The following SLC13A3 variants were observed in gnomAD, a reference collection of about 807,000 sequenced individuals.
The protein encoded by SLC13A3 is solute carrier family 13 member 3, also known as Na(+)/dicarboxylate cotransporter 3.
A neutral mutation model predicts 59.0 loss-of-function variants in SLC13A3; 40 were observed. The ratio of observed to expected loss-of-function variants is 0.68; its 90% CI spans 0.53 to 0.88. SLC13A3 has a LOEUF of 0.88. Among genes scored for constraint, SLC13A3 ranks in the 40% least tolerant of loss-of-function variants. The pLI is 0.00. For missense variants in SLC13A3, 699 were observed against 783.2 expected, an observed-to-expected ratio of 0.89 and a Z score of 1.28; for synonymous variants, 317 against 330.3, an observed-to-expected ratio of 0.96 and a Z score of 0.44.
chr20:46,637,678 G>A (rs147394399), intron 1 of SLC13A3, among the ~76,000 whole-genome samples: 61 of 152,302 alleles, frequency 4.0e-4, no homozygotes, highest in African/African-American at 1.4e-3. Context: ...CTGGGCATGT[G>A]AACCCATCAT....
At chr20:46,570,837 A>G (rs2146089396) in intron 10 of SLC13A3, among the ~76,000 whole-genome samples, 1 of 152,306 alleles carries the variant, frequency 6.6e-6, no homozygotes, top group East Asian at 1.9e-4. Flanking sequence ...AAGATTCAGA[A>G]TCTGGATCTT....
At chr20:46,642,856 C>G (rs1438966058) in intron 1 of SLC13A3, among the ~76,000 whole-genome samples, 1 of 152,180 alleles carries the variant, frequency 6.6e-6, no homozygotes, top group African/African-American at 2.4e-5. Flanking sequence ...AGATAGGCGA[C>G]AGCAGGAGTC....
chr20:46,671,799 C>T (rs140232951), upstream of SLC13A3, among the ~76,000 whole-genome samples: 39 of 152,296 alleles, frequency 2.6e-4, no homozygotes, highest in East Asian at 7.0e-3. Context: ...CTGACTCAAC[C>T]AGTCTCTGAG....
chr20:46,627,540 T>C (rs2062687016), intron 1 of SLC13A3, among the ~76,000 whole-genome samples: 1 of 152,128 alleles, frequency 6.6e-6, no homozygotes, highest in African/African-American at 2.4e-5. Flanking sequence ...GCTCTCCTGA[T>C]TTCAAGAGAA....
intron 1 of SLC13A3, among the ~76,000 whole-genome samples, chr20:46,629,933 T>C (rs2062720876): frequency 6.6e-6 from 1 of 152,258 alleles, no homozygotes; most frequent in African/African-American, 2.4e-5. Flanking sequence ...TTTTTATTTC[T>C]CATGCTCTCT....
At position 46,589,168 on chromosome 20, in the gene SLC13A3, C is replaced by T. The variant is rs201590459; in HGVS notation, c.1008G>A (p.Gly336=). The change falls in exon 7 of 13, where the codon GGG becomes GGA. Residue 336 remains glycine, a synonymous_variant. Coordinates refer to ENST00000279027, the MANE Select transcript of SLC13A3 (RefSeq NM_022829.6). Reference sequence around the variant, plus strand: ...CAAGGGCCCCCACATACTTGATGGGCCCCAGGTTCTGGTATTCTTCCCGAA... The same window carrying T: ...CAAGGGCCCCCACATACTTGATGGGTCCCAGGTTCTGGTATTCTTCCCGAA... ...AVIREEYQNL[G]PIKFAEQAVF... is the part of the protein sequence containing the mutation. 1.9e-6 allele frequency: 3 copies of T among 1,613,968 alleles called. No individual in the cohort carries two copies. The highest frequency in any genetic ancestry group is 1.7e-6 in the Non-Finnish European group (2 of 1,179,854).
At chr20:46,568,994 A>AT (rs2062006984) in intron 10 of SLC13A3, among the ~76,000 whole-genome samples, 1 of 151,828 alleles carries the variant, frequency 6.6e-6, no homozygotes, top group African/African-American at 2.4e-5. Context: ...TATTTTATTT[A>AT]TTTTTTTGAG....
chr20:46,579,131 C>T (rs1320948050), intron 9 of SLC13A3, among the ~76,000 whole-genome samples: 1 of 151,706 alleles, frequency 6.6e-6, no homozygotes, highest in African/African-American at 2.4e-5. Context: ...CTCTCTCTCC[C>T]CCTCGATTTT....
chr20:46,673,043 T>C (rs1034565039), upstream of SLC13A3, among the ~76,000 whole-genome samples: 1 of 152,322 alleles, frequency 6.6e-6, no homozygotes, highest in African/African-American at 2.4e-5. Flanking sequence ...AAGCAGCAGA[T>C]GTTTAACACT....
chr20:46,568,904 G>T (rs79825052), intron 10 of SLC13A3, among the ~76,000 whole-genome samples: 1 of 152,240 alleles, frequency 6.6e-6, no homozygotes, highest in East Asian at 1.9e-4. Flanking sequence ...AGGTCTGGCA[G>T]CTTCCTAAGA....
At chr20:46,617,588 T>TTGTGTG (rs555026536) in intron 1 of SLC13A3, among the ~76,000 whole-genome samples, 1 of 106,240 alleles carries the variant, frequency 9.4e-6, no homozygotes, top group African/African-American at 3.5e-5. Context: ...TCTGAAAAAC[T>TTGTGTG]TGTGTGTGTG....
Position 46,570,870 on chromosome 20 carries a change from G to A in SLC13A3, c.1333-4480C>T, listed in dbSNP as rs960096814. 2.0e-5 allele frequency among the ~76,000 whole-genome samples: 3 copies of A among 152,142 alleles called. No homozygotes were observed. In the South Asian group the frequency reaches 6.2e-4, roughly 31 times the overall value. ...CTTAGTCATGTCATTAGGCTTGTCT[G>A]TCCGATAAAATGAGGGTAATAATAA... is the stretch of plus-strand genomic sequence containing the variant. On this transcript the variant is annotated intron_variant, in intron 10 of 12. Transcript: ENST00000279027.
intron 1 of SLC13A3, among the ~76,000 whole-genome samples, chr20:46,663,846 G>A (rs897599389): frequency 2.0e-5 from 3 of 152,164 alleles, no homozygotes; most frequent in African/African-American, 7.2e-5. Context: ...TCTAGTATAG[G>A]TGTTTATTAG....
intron 9 of SLC13A3, among the ~76,000 whole-genome samples, chr20:46,581,635 CA>C (rs1299457734): frequency 6.6e-6 from 1 of 152,034 alleles, no homozygotes; most frequent in African/African-American, 2.4e-5. Context: ...TGGCTGCCAC[CA>C]GGGGGAAGAA....
intron 1 of SLC13A3, among the ~76,000 whole-genome samples, chr20:46,661,297 C>T (rs1390679569): frequency 6.6e-6 from 1 of 152,136 alleles, no homozygotes; most frequent in Non-Finnish European, 1.5e-5. Flanking sequence ...TGGAATTAAC[C>T]AGTCTTACCT....
At chr20:46,623,599 T>C (rs1341646800) in intron 1 of SLC13A3, among the ~76,000 whole-genome samples, 1 of 152,222 alleles carries the variant, frequency 6.6e-6, no homozygotes, top group African/African-American at 2.4e-5. Flanking sequence ...ATTTAGGTCA[T>C]GCATACAATG....
chr20:46,606,841 T>C (rs1002893468), intron 3 of SLC13A3, among the ~76,000 whole-genome samples: 5 of 152,214 alleles, frequency 3.3e-5, no homozygotes, highest in Non-Finnish European at 7.3e-5. Flanking sequence ...GTGGAGGACC[T>C]AATGAGAGCG....
intron 9 of SLC13A3, among the ~76,000 whole-genome samples, chr20:46,577,648 G>T (rs434355): frequency 0.86 from 130,952 of 152,184 alleles, 56,763 homozygotes; most frequent in East Asian, 0.99. Flanking sequence ...GCTACCATGG[G>T]TTTTATTGTT....
intron 3 of SLC13A3, chr20:46,608,599 A>C: frequency 3.9e-6 from 1 of 259,638 alleles, no homozygotes; most frequent in Non-Finnish European, 7.4e-6. Flanking sequence ...AATCATTTCT[A>C]GTGTTCAGGG....
Sources: gnomAD v4.1 joint callset for allele counts (sites outside exome capture counted in the v4.1 genomes callset) on GRCh38, gnomAD v4.1.1 for gene constraint, MANE v1.5 for transcripts, NCBI Gene and HGNC (gene_info 2026-07-23, HGNC 2026-07-21) for gene names.